The following ZNHIT6 variants were observed in gnomAD, a reference collection of about 807,000 sequenced individuals.
The protein encoded by ZNHIT6 is zinc finger HIT-type containing 6.
In ZNHIT6, 45 loss-of-function variants were observed where a neutral mutation model predicts 57.2. The observed-to-expected ratio is 0.79, with a 90% CI of 0.62 to 1.01. ZNHIT6 has a LOEUF of 1.01. Among genes scored for constraint, ZNHIT6 ranks in the 50% least tolerant of loss-of-function variants. The probability of loss-of-function intolerance (pLI) is 0.00; values close to 1 mark genes in which losing one functional copy is unlikely to be tolerated. For synonymous variants in ZNHIT6, 188 were observed against 190.0 expected (o/e 0.99, Z 0.09); for missense variants, 528 against 567.3 (o/e 0.93, Z 0.70).
chr1:85,693,319 A>G (rs1384547457), intron 5 of ZNHIT6, among the ~76,000 whole-genome samples: 6 of 152,160 alleles, frequency 3.9e-5, no homozygotes, highest in Non-Finnish European at 7.3e-5. Context: ...ATTACTGAAG[A>G]AAAAAAGGAA....
chr1:85,702,785 A>C (rs1358165591), intron 4 of ZNHIT6, among the ~76,000 whole-genome samples: 1 of 152,224 alleles, frequency 6.6e-6, no homozygotes. Flanking sequence ...GGGAAGCACA[A>C]AATGGGATAT....
chr1:85,660,038 T>C (rs12095129), intron 8 of ZNHIT6, among the ~76,000 whole-genome samples: 4,817 of 152,288 alleles, frequency 0.032, 78 homozygotes, highest in East Asian at 0.08. Flanking sequence ...ACTTTAAAAG[T>C]GTTTCCAGCA....
chr1:85,669,802 T>C (rs1362863706), intron 8 of ZNHIT6, among the ~76,000 whole-genome samples: 1 of 152,210 alleles, frequency 6.6e-6, no homozygotes, highest in Non-Finnish European at 1.5e-5. Context: ...TTTAAGTATC[T>C]ATCTTTTGCG....
At chr1:85,682,857 T>C (rs1395798006) in intron 5 of ZNHIT6, among the ~76,000 whole-genome samples, 1 of 152,200 alleles carries the variant, frequency 6.6e-6, no homozygotes, top group South Asian at 2.1e-4. Flanking sequence ...TTGATAACAG[T>C]AGATGATTCT....
chr1:85,672,543 CA>C (rs1446823039), intron 8 of ZNHIT6, among the ~76,000 whole-genome samples: 4 of 152,116 alleles, frequency 2.6e-5, no homozygotes, highest in African/African-American at 9.7e-5. Context: ...TAATAAAAAT[CA>C]AACATCACTT....
chr1:85,669,959 C>G (rs1052077817), intron 8 of ZNHIT6, among the ~76,000 whole-genome samples: 2 of 152,136 alleles, frequency 1.3e-5, no homozygotes, highest in African/African-American at 4.8e-5. Flanking sequence ...CAGACCTGAT[C>G]AATCTTAACT....
At chr1:85,688,290 A>G (rs1662121883) in intron 5 of ZNHIT6, among the ~76,000 whole-genome samples, 1 of 152,196 alleles carries the variant, frequency 6.6e-6, no homozygotes, top group Non-Finnish European at 1.5e-5. Flanking sequence ...CTCCAAGGTC[A>G]TTATTCAGCT....
Position 85,680,823 on chromosome 1 carries a change from A to G in ZNHIT6, c.1088+13T>C, listed in dbSNP as rs1240078930. ...ATTAAAACAAATCAGTGATTGAAAGATAGCAGTGATACCTTTTTTCTATGT... is the reference window on the plus strand; with the variant it reads ...ATTAAAACAAATCAGTGATTGAAAGGTAGCAGTGATACCTTTTTTCTATGT... On this transcript the variant is annotated intron_variant, in intron 6 of 9. Transcript: ENST00000370574. 1 of 1,599,630 alleles carries G rather than the reference A, an allele frequency of 6.3e-7. No individual in the cohort carries two copies. The highest frequency in any genetic ancestry group is 1.7e-5 in the Admixed American group (1 of 59,198).
In ZNHIT6 at chr1:85,667,961, A is replaced by AAAAAAAAAAAAAAAAAAAATGTATAT; in HGVS notation, c.1247+9274_1247+9275insATATACATTTTTTTTTTTTTTTTTTT. ...ACTCTCTCTTTCAAAAAAAAAAAAA[A>AAAAAAAAAAAAAAAAAAAATGTATAT]ATATATATATATATATATATATATG... On this transcript the variant is annotated intron_variant, in intron 8 of 9. Transcript: ENST00000370574. Among the ~76,000 whole-genome samples the AAAAAAAAAAAAAAAAAAAATGTATAT allele has an allele frequency of 3.1e-3, 56 of 18,198 alleles. 15 individuals are homozygous for AAAAAAAAAAAAAAAAAAAATGTATAT. Among genetic ancestry groups the AAAAAAAAAAAAAAAAAAAATGTATAT allele is most frequent in the African/African-American group, 0.012 (56 of 4,710 alleles). The allele number at this position is 18,198 out of a possible 152,430, so 11.9% of individuals were successfully genotyped here. A position where few individuals can be genotyped will look rare whatever the true frequency, so the allele number is the denominator to read the frequency against.
intron 5 of ZNHIT6, among the ~76,000 whole-genome samples, chr1:85,698,084 T>C (rs1662427974): frequency 6.6e-6 from 1 of 152,194 alleles, no homozygotes. Context: ...ACAGAGAATG[T>C]CAACCTTGCT....
At chr1:85,690,059 T>C (rs1225467252) in intron 5 of ZNHIT6, among the ~76,000 whole-genome samples, 1 of 152,218 alleles carries the variant, frequency 6.6e-6, no homozygotes, top group Non-Finnish European at 1.5e-5. Context: ...TCATGTGTAC[T>C]CTCACAGATG....
intron 1 of ZNHIT6, 51 bp downstream of exon 1, chr1:85,707,578 C>T: frequency 1.3e-6 from 2 of 1,497,320 alleles, no homozygotes; most frequent in Non-Finnish European, 1.8e-6. Context: ...TCACTCTAGA[C>T]ATGAGGACTC....
intron 5 of ZNHIT6, among the ~76,000 whole-genome samples, chr1:85,696,783 T>G (rs188143886): frequency 6.6e-6 from 1 of 152,160 alleles, no homozygotes; most frequent in Admixed American, 6.5e-5. Context: ...TTCATTATAT[T>G]AGATATTATT....
At chr1:85,677,441 T>C (rs1450673730) in intron 7 of ZNHIT6, 128 bp from the exon 8 acceptor site, 23 of 620,902 alleles carry the variant, frequency 3.7e-5, no homozygotes, top group Non-Finnish European at 5.3e-5. Flanking sequence ...GAAAAGGAGA[T>C]AAAGATGTTT....
rs1218578888 is a variant in ZNHIT6, at chr1:85,653,143, A to T, written c.*915T>A. On this transcript the variant is annotated 3_prime_UTR_variant, in exon 10 of 10. Transcript: ENST00000370574. ...GAATTCATAAGACTTGAGTAAGTAG[A>T]TCCAAATTTGTTATCACTAATGGCT... is the stretch of plus-strand genomic sequence containing the variant. The T allele has an allele frequency of 1.3e-5, 2 of 152,206 alleles. No homozygotes were observed. Among genetic ancestry groups the T allele is most frequent in the South Asian group, 2.1e-4 (1 of 4,828 alleles). 9.4% of individuals were successfully genotyped at this position (152,206 alleles called of 1,614,324 possible).
chr1:85,678,732 G>A lies in ZNHIT6; in HGVS notation c.1138C>T (p.Pro380Ser). ...INEILKPYID[P>S]EKSDPVIRQR... ...CGAATTACAGGATCAGACTTTTCAG[G>A]ATCAATGTAAGGTTTTAGGATTTCA... Residue 380 changes from proline to serine, a missense_variant, in exon 7 of 10, where the codon CCT becomes TCT. Physicochemically the swap from Pro to Ser is moderately conservative, Grantham distance 74 (BLOSUM62 -1). Transcript: ENST00000370574. The A allele has an allele frequency of 6.3e-7, 1 of 1,590,666 alleles. No homozygotes were observed. The highest frequency in any genetic ancestry group is 8.6e-7 in the Non-Finnish European group (1 of 1,168,740).
chr1:85,667,962 A>AAAAAAAAAAATG (rs1553155846), intron 8 of ZNHIT6, among the ~76,000 whole-genome samples: 1 of 21,988 alleles, frequency 4.5e-5, no homozygotes, highest in African/African-American at 1.3e-4. Context: ...AAAAAAAAAA[A>AAAAAAAAAAATG]TATATATATA....
rs1052368013 is a variant in ZNHIT6 at position 85,697,665 on chromosome 1, G to T, written c.1019+4492C>A. Among the ~76,000 whole-genome samples, 3 of 151,778 alleles carry T rather than the reference G, an allele frequency of 2.0e-5. No individual in the cohort carries two copies. In the South Asian group the frequency reaches 6.2e-4, roughly 32 times the overall value. ...TCATTCTTTTTTCAGATTTTTCCAGGCACCTCTGCCATGTTATTCTTCAAA... is the reference window on the plus strand; with the variant it reads ...TCATTCTTTTTTCAGATTTTTCCAGTCACCTCTGCCATGTTATTCTTCAAA... On this transcript the variant is annotated intron_variant, in intron 5 of 9. Coordinates refer to ENST00000370574, the MANE Select transcript of ZNHIT6 (RefSeq NM_017953.4).
chr1:85,662,629 C>T (rs1661256652), intron 8 of ZNHIT6, among the ~76,000 whole-genome samples: 1 of 152,072 alleles, frequency 6.6e-6, no homozygotes, highest in Non-Finnish European at 1.5e-5. Context: ...AAGGATTTTG[C>T]CATAGTTAAT....
Sources: allele counts gnomAD v4.1 joint callset (sites outside exome capture counted in the v4.1 genomes callset), GRCh38; gene constraint gnomAD v4.1.1; transcripts MANE v1.5; gene names NCBI Gene and HGNC (gene_info 2026-07-23, HGNC 2026-07-21).